SHQ1: variants seen among roughly 807,000 people sequenced by gnomAD.
The protein encoded by SHQ1 is protein SHQ1 homolog.
In SHQ1, 49 loss-of-function variants were observed where a neutral mutation model predicts 53.8. That is an observed-to-expected ratio of 0.91 (90% CI 0.72 to 1.16). SHQ1 has a LOEUF of 1.16. Among genes scored for constraint, SHQ1 ranks in the 50% most tolerant of loss-of-function variants. The pLI is 0.00. For missense variants in SHQ1, 738 were observed against 683.1 expected (o/e 1.08, Z -0.90); for synonymous variants, 243 against 251.0 (o/e 0.97, Z 0.30).
chr3:72,753,265 T>A (rs1008580615), intron 10 of SHQ1: 2 of 985,320 alleles, frequency 2.0e-6, no homozygotes, highest in African/African-American at 1.7e-5. Flanking sequence ...ACAAACTGGA[T>A]GACGGTGAGT....
chr3:72,752,823 A>C (rs529090963), intron 10 of SHQ1: 193 of 237,442 alleles, frequency 8.1e-4, no homozygotes, highest in African/African-American at 4.1e-3. Context: ...CACCAGGCCC[A>C]GCTAATTTTT....
At chr3:72,738,912 C>T in the SHQ1 span, among the ~76,000 whole-genome samples, 15 of 152,288 alleles carry the variant, frequency 9.8e-5, no homozygotes, top group South Asian at 3.1e-3. Context: ...CCCCGCGACG[C>T]CCGAGGACCC....
At chr3:72,840,649 G>GC (rs1201930500) in intron 4 of SHQ1, among the ~76,000 whole-genome samples, 1 of 151,460 alleles carries the variant, frequency 6.6e-6, no homozygotes, top group African/African-American at 2.4e-5. Flanking sequence ...TCTCATTCTC[G>GC]CCAGGAACAT....
At chr3:72,762,212 C>A (rs1404409694) in intron 10 of SHQ1, among the ~76,000 whole-genome samples, 1 of 152,138 alleles carries the variant, frequency 6.6e-6, no homozygotes, top group African/African-American at 2.4e-5. Context: ...TATGGCAACG[C>A]TAAATGCTGA....
intron 10 of SHQ1, among the ~76,000 whole-genome samples, chr3:72,774,727 C>A (rs1231325335): frequency 1.3e-5 from 2 of 152,150 alleles, no homozygotes; most frequent in East Asian, 3.8e-4. Context: ...CATCTACATG[C>A]AGAATCTAAC....
At chr3:72,793,545 T>C (rs1278414005) in intron 9 of SHQ1, 1 of 151,630 alleles carries the variant, frequency 6.6e-6, no homozygotes, top group African/African-American at 2.4e-5. Context: ...ATAATCTTTA[T>C]ATTCTGTTGT....
chr3:72,782,545 G>T (rs996219876), intron 10 of SHQ1, among the ~76,000 whole-genome samples: 1 of 152,160 alleles, frequency 6.6e-6, no homozygotes, highest in African/African-American at 2.4e-5. Context: ...CAAGTCAAAT[G>T]ATCACAATCA....
chr3:72,842,841 C>T (rs1041383906), intron 2 of SHQ1, among the ~76,000 whole-genome samples: 5 of 151,944 alleles, frequency 3.3e-5, no homozygotes, highest in Admixed American at 1.3e-4. Flanking sequence ...TTCGGGAGGC[C>T]GAGGCAGGCG....
Position 72,848,281 on chromosome 3 carries a change from G to A in SHQ1, c.60C>T (p.Arg20=), listed in dbSNP as rs778549139. Reference sequence around the variant, plus strand: ...ACTCGGAGACCCGGGCGTAGGGCACGCGGATGGCGATAGTCAGGAAGTCCG... The same window carrying A: ...ACTCGGAGACCCGGGCGTAGGGCACACGGATGGCGATAGTCAGGAAGTCCG... ...QDPDFLTIAI[R]VPYARVSEFD... The change falls in exon 1 of 11, where the codon CGC becomes CGT. Residue 20 remains arginine, a synonymous_variant. Transcript: ENST00000325599. 4.6e-5 allele frequency: 75 copies of A among 1,614,052 alleles called. No individual in the cohort carries two copies. Among genetic ancestry groups the A allele is most frequent in the Admixed American group, 8.3e-5 (5 of 60,006 alleles).
At chr3:72,747,190 C>T (rs1281600827), downstream of SHQ1, among the ~76,000 whole-genome samples, 3 of 152,128 alleles carry the variant, frequency 2.0e-5, no homozygotes, top group African/African-American at 2.4e-5. Flanking sequence ...CTTATTTGTT[C>T]ATTCATTCAA....
chr3:72,772,659 TCTTGATGGTGCTTCCATCAAGTAAGAG>T (rs1705879661), intron 10 of SHQ1: 1 of 715,796 alleles, frequency 1.4e-6, no homozygotes, highest in Non-Finnish European at 2.6e-6. Flanking sequence ...TACTAGACAA[TCTTGATGGTGCTTCCATCAAGTAAGAG>T]CTTGATGGTG....
chr3:72,729,521 C>T, the SHQ1 span, among the ~76,000 whole-genome samples: 4 of 152,120 alleles, frequency 2.6e-5, no homozygotes, highest in Admixed American at 6.5e-5. Context: ...AAATAAAAGG[C>T]ATTGGCTCGA....
chr3:72,745,995 C>A (rs768912245), downstream of SHQ1, among the ~76,000 whole-genome samples: 16 of 152,086 alleles, frequency 1.1e-4, no homozygotes, highest in Non-Finnish European at 2.2e-4. Context: ...GGCCCGCCAC[C>A]ACCCCCAGGT....
intron 10 of SHQ1, among the ~76,000 whole-genome samples, chr3:72,788,662 G>T (rs1043048563): frequency 3.9e-5 from 6 of 152,354 alleles, no homozygotes; most frequent in African/African-American, 1.4e-4. Context: ...AGAAAAGAAA[G>T]AGAGATCAGA....
At chr3:72,811,881 G>C (rs1707133787) in intron 9 of SHQ1, among the ~76,000 whole-genome samples, 1 of 152,220 alleles carries the variant, frequency 6.6e-6, no homozygotes, top group South Asian at 2.1e-4. Flanking sequence ...GCAAAGGAAT[G>C]ATGAGTCTCC....
intron 10 of SHQ1, among the ~76,000 whole-genome samples, chr3:72,786,420 T>C (rs1706234326): frequency 6.6e-6 from 1 of 152,194 alleles, no homozygotes; most frequent in Non-Finnish European, 1.5e-5. Flanking sequence ...TACATGAACC[T>C]CTAGCCTCAC....
At chr3:72,829,614 A>G (rs528861912) in intron 5 of SHQ1, among the ~76,000 whole-genome samples, 1 of 152,256 alleles carries the variant, frequency 6.6e-6, no homozygotes, top group Non-Finnish European at 1.5e-5. Flanking sequence ...TCTTGCTCCC[A>G]GCCATCCAAT....
intron 9 of SHQ1, among the ~76,000 whole-genome samples, chr3:72,800,968 G>A (rs529554977): frequency 6.6e-6 from 1 of 152,288 alleles, no homozygotes; most frequent in Admixed American, 6.5e-5. Context: ...CAGTTTGAAA[G>A]GACAGCCTTG....
intron 6 of SHQ1, among the ~76,000 whole-genome samples, chr3:72,819,791 T>C (rs1020686256): frequency 2.7e-4 from 41 of 152,210 alleles, no homozygotes; most frequent in Admixed American, 1.0e-3. Context: ...GACTGCCTCA[T>C]TGGAGGACGC....
Sources: gnomAD v4.1 joint callset for allele counts (sites outside exome capture counted in the v4.1 genomes callset) on GRCh38, gnomAD v4.1.1 for gene constraint, MANE v1.5 for transcripts, NCBI Gene and HGNC (gene_info 2026-07-23, HGNC 2026-07-21) for gene names.